HSPA5: variants seen among roughly 807,000 people sequenced by gnomAD.
The protein encoded by HSPA5 is endoplasmic reticulum chaperone BiP.
A neutral mutation model predicts 49.5 loss-of-function variants in HSPA5; 16 were observed. The observed-to-expected ratio is 0.32, with a 90% CI of 0.22 to 0.49. The LOEUF is 0.49. Ranked by LOEUF, HSPA5 falls within the 20% of genes least tolerant of loss-of-function variation. The pLI is 0.99. For synonymous variants in HSPA5, 271 were observed against 307.2 expected (o/e 0.88, Z 1.23); for missense variants, 376 against 819.0 (o/e 0.46, Z 6.60).
At position 125,236,721 on chromosome 9, in the gene HSPA5, G is replaced by A. The variant is rs371951832; in HGVS notation, c.1836C>T (p.Asp612=). 53 of 1,613,730 alleles carry A rather than the reference G, an allele frequency of 3.3e-5. No homozygotes were observed. Among genetic ancestry groups the A allele is most frequent in the Non-Finnish European group, 4.4e-5 (52 of 1,179,808 alleles). Residue 612 remains aspartate (D), a synonymous_variant, in exon 8 of 8, where the codon GAC becomes GAT. Transcript: ENST00000324460. ...IEWLESHQDA[D]IEDFKAKKKE... Reference sequence around the variant, plus strand: ...TCTTCTTAGCTTTGAAGTCTTCAATGTCAGCATCTTGGTGGCTTTCCAGCC... The same window carrying A: ...TCTTCTTAGCTTTGAAGTCTTCAATATCAGCATCTTGGTGGCTTTCCAGCC...
At position 125,239,381 on chromosome 9, in the gene HSPA5, T is replaced by C. The variant is rs1448970811; in HGVS notation, c.605+40A>G. ...TTTTGTCAGTACTTCACATTTCCAC[T>C]ATTTGGCAAATATGCCGTATCCCTG... On this transcript the variant is annotated intron_variant, in intron 4 of 7. Coordinates refer to ENST00000324460, the MANE Select transcript of HSPA5 (RefSeq NM_005347.5). This position sits in a 1 kb window ranked among gnomAD's most constrained non-coding sequence, Gnocchi z 5.5. 6 of 1,613,702 alleles carry C rather than the reference T, an allele frequency of 3.7e-6. No individual in the cohort carries two copies. The highest frequency in any genetic ancestry group is 5.1e-6 in the Non-Finnish European group (6 of 1,179,582).
rs572560070 is a variant in HSPA5, at chr9:125,236,792, C to T, written c.1765G>A (p.Glu589Lys). 71 of 1,613,464 alleles carry T rather than the reference C, an allele frequency of 4.4e-5. 1 individual carries two copies. The South Asian group carries it at 6.4e-4, about 14-fold the overall frequency. ...GCTTTTTCCATGGTCTCCTTATCTT[C>T]AGAGGAAAGTTTACCTCCCAGCTTT... ...KEKLGGKLSS[E>K]DKETMEKAVE... is the part of the protein sequence containing the mutation. The change falls in exon 8 of 8, where the codon GAA becomes AAA. Residue 589 changes from glutamate (E) to lysine (K), a missense_variant. Glu to Lys is a moderately conservative substitution (Grantham distance 56). Coordinates refer to ENST00000324460, the MANE Select transcript of HSPA5 (RefSeq NM_005347.5).
In HSPA5 at chr9:125,240,437, C is replaced by A; in HGVS notation, c.355-128G>T. Reference sequence around the variant, plus strand: ...GGCTGCAAATTGACTAGAAATACTTCAGGGAGTATAGGTGTCTTACAAAGT... The same window carrying A: ...GGCTGCAAATTGACTAGAAATACTTAAGGGAGTATAGGTGTCTTACAAAGT... On this transcript the variant is annotated intron_variant, in intron 2 of 7. Coordinates refer to ENST00000324460, the MANE Select transcript of HSPA5 (RefSeq NM_005347.5). The surrounding 1 kb of genome is among the most constrained non-coding windows in gnomAD (Gnocchi z 4.4). 1 of 826,124 alleles carries A rather than the reference C, an allele frequency of 1.2e-6. No individual in the cohort carries two copies. The allele number at this position is 826,124 out of a possible 1,614,324, so 51.2% of individuals were successfully genotyped here.
At position 125,238,804 on chromosome 9, in the gene HSPA5, C is replaced by T. The variant is rs1235109536; in HGVS notation, c.1020G>A (p.Lys340=). ...AATCTTCCAACACTTTCTGGACGGG[C>T]TTCATAGTAGACCGGAACAGATCCT... ...LNMDLFRSTM[K]PVQKVLEDSD... The change falls in exon 6 of 8, where the codon AAG becomes AAA. Residue 340 remains lysine (K), a synonymous_variant. Coordinates refer to ENST00000324460, the MANE Select transcript of HSPA5 (RefSeq NM_005347.5). 14 of 1,613,974 alleles carry T rather than the reference C, an allele frequency of 8.7e-6. No homozygotes were observed. The highest frequency in any genetic ancestry group is 1.1e-5 in the South Asian group (1 of 91,080).
rs901909664 is a variant in HSPA5 at position 125,239,862 on chromosome 9, T to G, written c.492+310A>C. ...GAGATCGTGCCACTGCAGTCCAGCC[T>G]GGGCAACAGAGCAAGACTCCATCTC... On this transcript the variant is annotated intron_variant, in intron 3 of 7. Transcript: ENST00000324460. The surrounding 1 kb of genome is among the most constrained non-coding windows in gnomAD (Gnocchi z 5.5). Among the ~76,000 whole-genome samples the G allele has an allele frequency of 6.6e-6, 1 of 151,746 alleles. No homozygotes were observed.
rs1002112028 is a variant in HSPA5 at position 125,236,463 on chromosome 9, A to G, written c.*129T>C. The G allele has an allele frequency of 9.3e-6, 6 of 645,326 alleles. No individual in the cohort carries two copies. In the East Asian group the frequency reaches 1.1e-4, roughly 12 times the overall value. The allele number at this position is 645,326 out of a possible 1,614,324, so 40.0% of individuals were successfully genotyped here. Reference sequence around the variant, plus strand: ...AAAGCAGTAAACAGCCGCTTAGGCTATAGCAGTTTCAACTCCACTCTGAGG... The same window carrying G: ...AAAGCAGTAAACAGCCGCTTAGGCTGTAGCAGTTTCAACTCCACTCTGAGG... On this transcript the variant is annotated 3_prime_UTR_variant, in exon 8 of 8. Transcript: ENST00000324460.
chr9:125,238,570 A>G lies in HSPA5; in HGVS notation c.1234+20T>C. On this transcript the variant is annotated intron_variant, in intron 6 of 7. Coordinates refer to ENST00000324460, the MANE Select transcript of HSPA5 (RefSeq NM_005347.5). The stretch of plus-strand genomic sequence containing the variant: ...TCAAGCTACTGAATCACTAAGAAAG[A>G]TGCTGCGATGATGACCTACCTGTAT... 1 of 1,566,906 alleles carries G rather than the reference A, an allele frequency of 6.4e-7. No individual in the cohort carries two copies. The highest frequency in any genetic ancestry group is 8.8e-7 in the Non-Finnish European group (1 of 1,138,248).
At position 125,241,278 on chromosome 9, in the gene HSPA5, G is replaced by C. The variant is rs1832562777; in HGVS notation, c.-152C>G. 1.2e-6 allele frequency: 1 copy of C among 848,752 alleles called. No individual in the cohort carries two copies. The highest frequency in any genetic ancestry group is 1.8e-6 in the Non-Finnish European group (1 of 555,378). The allele number at this position is 848,752 out of a possible 1,614,324, so 52.6% of individuals were successfully genotyped here. A position where few individuals can be genotyped will look rare whatever the true frequency, so the allele number is the denominator to read the frequency against. ...CAGGTCTAGAAATACAGGCCGCGGC[G>C]CTTCCCTCTCACACTCGCGAAACAC... On this transcript the variant is annotated 5_prime_UTR_variant, in exon 1 of 8. Transcript: ENST00000324460.
In HSPA5 at chr9:125,240,568, T is replaced by A. The variant is rs550104122; in HGVS notation, c.354+108A>T. On this transcript the variant is annotated intron_variant, in intron 2 of 7. Transcript: ENST00000324460. The surrounding 1 kb of genome is among the most constrained non-coding windows in gnomAD (Gnocchi z 4.4). ...AGTATTAAAGTTATTACATACATCATGTCTATAACCTTCAACTGTTGTCTC... is the reference window on the plus strand; with the variant it reads ...AGTATTAAAGTTATTACATACATCAAGTCTATAACCTTCAACTGTTGTCTC... The A allele has an allele frequency of 4.2e-4, 378 of 902,200 alleles. 2 individuals carry two copies. Among genetic ancestry groups the A allele is most frequent in the Middle Eastern group, 2.0e-3 (9 of 4,444 alleles). 55.9% of individuals were successfully genotyped at this position (902,200 alleles called of 1,614,324 possible).
Position 125,238,809 on chromosome 9 carries a change from T to G in HSPA5, c.1015A>C (p.Met339Leu). The part of the protein sequence containing the change: ...ELNMDLFRST[M>L]KPVQKVLEDS... ...TCCAACACTTTCTGGACGGGCTTCA[T>G]AGTAGACCGGAACAGATCCTAGAAA... Residue 339 changes from methionine (M) to leucine (L), a missense_variant, in exon 6 of 8, where the codon ATG (methionine) becomes CTG (leucine). Coordinates refer to ENST00000324460, the MANE Select transcript of HSPA5 (RefSeq NM_005347.5). 6.2e-7 allele frequency: 1 copy of G among 1,614,170 alleles called. No individual in the cohort carries two copies.
chr9:125,238,441 T>C (rs1030821772), intron 6 of HSPA5, 133 bp from the exon 7 acceptor site: 14 of 968,454 alleles, frequency 1.4e-5, no homozygotes, highest in Admixed American at 2.2e-5. Context: ...GCTAATGATC[T>C]TGAGACTACC....
rs1457546624 is a variant in HSPA5 at position 125,234,955 on chromosome 9, C to T, written c.*1637G>A. 1 of 152,058 alleles carries T rather than the reference C, an allele frequency of 6.6e-6. No individual in the cohort carries two copies. Among genetic ancestry groups the T allele is most frequent in the Non-Finnish European group, 1.5e-5 (1 of 68,020 alleles). The allele number at this position is 152,058 out of a possible 1,614,324, so 9.4% of individuals were successfully genotyped here. ...CCTTTGAGGTAAGGGAAGACTAGCC[C>T]TAGTTGCTAACTACCATTTAACCCT... On this transcript the variant is annotated 3_prime_UTR_variant, in exon 8 of 8. Coordinates refer to ENST00000324460, the MANE Select transcript of HSPA5 (RefSeq NM_005347.5).
rs1832541922 is a variant in HSPA5 at position 125,239,818 on chromosome 9, G to A, written c.493-285C>T. Among the ~76,000 whole-genome samples, 1 of 151,810 alleles carries A rather than the reference G, an allele frequency of 6.6e-6. No individual in the cohort carries two copies. The highest frequency in any genetic ancestry group is 2.1e-4 in the South Asian group (1 of 4,810). ...CAGGAGAGCTGCTTGAACCCGGGAG[G>A]CAGAGGTTGCAGTGAGCTGAGATCG... On this transcript the variant is annotated intron_variant, in intron 3 of 7. Coordinates refer to ENST00000324460, the MANE Select transcript of HSPA5 (RefSeq NM_005347.5). The surrounding 1 kb of genome is among the most constrained non-coding windows in gnomAD (Gnocchi z 5.5).
chr9:125,241,319 T>C lies in HSPA5; in HGVS notation c.-193A>G, dbSNP rs1051564990. The C allele has an allele frequency of 6.1e-5, 38 of 621,072 alleles. No homozygotes were observed. Among genetic ancestry groups the C allele is most frequent in the South Asian group, 2.4e-4 (12 of 49,360 alleles). 38.5% of individuals were successfully genotyped at this position (621,072 alleles called of 1,614,324 possible). On this transcript the variant is annotated 5_prime_UTR_variant, in exon 1 of 8. Transcript: ENST00000324460. ...CGCGAAACACCCCAATAGGTCAATC[T>C]GTCTGTGCTGTCTTGGCCGGCGTCG...
At position 125,236,997 on chromosome 9, in the gene HSPA5, G is replaced by C; in HGVS notation, c.1560C>G (p.Asn520Lys). 1 of 1,613,880 alleles carries C rather than the reference G, an allele frequency of 6.2e-7. No homozygotes were observed. Among genetic ancestry groups the C allele is most frequent in the Middle Eastern group, 1.7e-4 (1 of 6,056 alleles). ...CATTGGTGATTGTGATCTTATTTTT[G>C]TTCCCTGTACCCTTGTCTTCAGCTG... Reference protein sequence around the residue: ...RVTAEDKGTGNKNKITITNDQ... With the variant: ...RVTAEDKGTGKKNKITITNDQ... Residue 520 changes from asparagine (N) to lysine (K), a missense_variant, in exon 8 of 8, where the codon AAC becomes AAG. By Grantham distance (94) the Asn-to-Lys change is moderately conservative (BLOSUM62 0). This residue lies in a region of HSPA5 where 71 missense variants were observed against 169.9 expected (regional missense o/e 0.42). Transcript: ENST00000324460.
chr9:125,238,546 C>G (rs1228039445), intron 6 of HSPA5, 44 bp downstream of exon 6: 9 of 1,457,994 alleles, frequency 6.2e-6, no homozygotes, highest in Non-Finnish European at 8.6e-6. Flanking sequence ...AGTCTTCCAT[C>G]AAGCTACTGA....
intron 7 of HSPA5, 116 bp from the exon 8 acceptor site, chr9:125,237,270 A>G (rs764260375): frequency 4.0e-5 from 29 of 723,074 alleles, no homozygotes; most frequent in Admixed American, 6.0e-5. Flanking sequence ...TCGAGCTAAA[A>G]GTAATTTCAT....
In HSPA5 at chr9:125,238,745, A is replaced by C; in HGVS notation, c.1079T>G (p.Val360Gly). The change falls in exon 6 of 8, where the codon GTT (valine) becomes GGT (glycine). Residue 360 changes from valine (V) to glycine (G), a missense_variant. Physicochemically the swap from Val to Gly is moderately radical, Grantham distance 109. This residue lies in a region of HSPA5 where 89 missense variants were observed against 155.9 expected (regional missense o/e 0.57). Coordinates refer to ENST00000324460, the MANE Select transcript of HSPA5 (RefSeq NM_005347.5). ...DLKKSDIDEI[V>G]LVGGSTRIPK... is the part of the protein sequence containing the mutation. ...AATTCGAGTCGAGCCACCAACAAGA[A>C]CAATTTCATCAATATCAGACTTCTT... 6.2e-7 allele frequency: 1 copy of C among 1,614,212 alleles called. No homozygotes were observed. The highest frequency in any genetic ancestry group is 8.5e-7 in the Non-Finnish European group (1 of 1,180,042).
rs1204955544 is a variant in HSPA5 at position 125,236,843 on chromosome 9, G to A, written c.1714C>T (p.Leu572=). 4 of 1,613,890 alleles carry A rather than the reference G, an allele frequency of 2.5e-6. No homozygotes were observed. Among genetic ancestry groups the A allele is most frequent in the Non-Finnish European group, 3.4e-6 (4 of 1,179,828 alleles). The change falls in exon 8 of 8, where the codon CTA becomes TTA. Residue 572 remains leucine (L), a synonymous_variant. Transcript: ENST00000324460. ...RNELESYAYS[L]KNQIGDKEKL... Reference sequence around the variant, plus strand: ...TCTTTATCTCCAATCTGATTCTTTAGAGAATAGGCATAGCTTTCCAACTCA... The same window carrying A: ...TCTTTATCTCCAATCTGATTCTTTAAAGAATAGGCATAGCTTTCCAACTCA...
Sources: gnomAD v4.1 joint callset for allele counts (sites outside exome capture counted in the v4.1 genomes callset) on GRCh38, gnomAD v4.1.1 for gene constraint, gnomAD v4.1.1 regional missense constraint, Gnocchi (gnomAD v3.1) non-coding constraint, MANE v1.5 for transcripts, NCBI Gene and HGNC (gene_info 2026-07-23, HGNC 2026-07-21) for gene names.